Variants in FTCDNL1 observed in about 807,000 individuals in gnomAD.
FTCDNL1 encodes the protein formiminotransferase N-terminal subdomain-containing protein.
A neutral mutation model predicts 5.9 loss-of-function variants in FTCDNL1; 11 were observed. The ratio of observed to expected loss-of-function variants is 1.87; its 90% CI spans 1.18 to 3.10. The LOEUF (loss-of-function observed/expected upper bound fraction) is 3.10. Among genes scored for constraint, FTCDNL1 ranks in the 30% most tolerant of loss-of-function variants. The pLI is 0.00. For missense variants in FTCDNL1, 115 were observed against 65.5 expected (o/e 1.76, Z -2.61); for synonymous variants, 58 against 24.8 (o/e 2.34, Z -3.99).
chr2:199,690,657 G>A, the FTCDNL1 span, among the ~76,000 whole-genome samples: 1 of 152,086 alleles, frequency 6.6e-6, no homozygotes, highest in African/African-American at 2.4e-5. Flanking sequence ...ATAGTTTTAG[G>A]TTGACTTTTC....
the FTCDNL1 span, among the ~76,000 whole-genome samples, chr2:199,745,917 T>G: frequency 0.026 from 3,926 of 152,252 alleles, 172 homozygotes; most frequent in African/African-American, 0.09. Context: ...TATCCTGGGT[T>G]CAAAGCATTG....
At chr2:199,807,221 C>G (rs759491007), downstream of FTCDNL1, among the ~76,000 whole-genome samples, 2 of 152,122 alleles carry the variant, frequency 1.3e-5, no homozygotes, top group Non-Finnish European at 2.9e-5. Context: ...TACCCATCCA[C>G]CAGAACACCT....
chr2:199,808,837 G>T (rs965124941), downstream of FTCDNL1, among the ~76,000 whole-genome samples: 6 of 152,178 alleles, frequency 3.9e-5, no homozygotes, highest in Non-Finnish European at 7.3e-5. Flanking sequence ...GGAACGATTT[G>T]TCCTATTTCA....
the FTCDNL1 span, among the ~76,000 whole-genome samples, chr2:199,724,196 C>T: frequency 9.9e-5 from 15 of 152,078 alleles, no homozygotes; most frequent in Middle Eastern, 3.4e-3. Context: ...TATTCTCTGA[C>T]GGTTGTATGT....
chr2:199,790,246 C>T (rs1021598867), intron 3 of FTCDNL1, among the ~76,000 whole-genome samples: 1 of 151,850 alleles, frequency 6.6e-6, no homozygotes, highest in Non-Finnish European at 1.5e-5. Flanking sequence ...GCCTGTAATC[C>T]CAGCACTTTG....
intron 4 of FTCDNL1, 85 bp downstream of exon 4, chr2:199,819,487 G>A: frequency 1.5e-6 from 1 of 668,488 alleles, no homozygotes; most frequent in South Asian, 1.6e-5. Context: ...AACTCTTCCT[G>A]CATTAACAGG....
At chr2:199,714,825 C>T in the FTCDNL1 span, among the ~76,000 whole-genome samples, 550 of 151,538 alleles carry the variant, frequency 3.6e-3, 2 homozygotes, top group African/African-American at 0.013. Flanking sequence ...GTTAAAGCTG[C>T]CAGCAAACTA....
At chr2:199,711,624 A>G in the FTCDNL1 span, among the ~76,000 whole-genome samples, 1 of 152,170 alleles carries the variant, frequency 6.6e-6, no homozygotes, top group African/African-American at 2.4e-5. Context: ...GGTCTGTATC[A>G]GTCATAGTCC....
At chr2:199,833,600 GC>G (rs1191855593) in intron 3 of FTCDNL1, among the ~76,000 whole-genome samples, 1 of 152,184 alleles carries the variant, frequency 6.6e-6, no homozygotes, top group Non-Finnish European at 1.5e-5. Flanking sequence ...TCAGCATTAA[GC>G]CTACTCCCCA....
At chr2:199,698,570 G>T in the FTCDNL1 span, among the ~76,000 whole-genome samples, 1 of 152,142 alleles carries the variant, frequency 6.6e-6, no homozygotes, top group Admixed American at 6.5e-5. Flanking sequence ...GAAATTCTTT[G>T]TAACTAGTAA....
At chr2:199,699,850 C>T in the FTCDNL1 span, among the ~76,000 whole-genome samples, 3,483 of 152,214 alleles carry the variant, frequency 0.023, 140 homozygotes, top group African/African-American at 0.078. Context: ...AATTCCATAT[C>T]GCTTCATGTT....
At chr2:199,754,414 G>C in the FTCDNL1 span, among the ~76,000 whole-genome samples, 3 of 152,124 alleles carry the variant, frequency 2.0e-5, no homozygotes, top group African/African-American at 7.2e-5. Context: ...GGATGGGTTA[G>C]AGGCAGCATA....
chr2:199,671,065 G>T, the FTCDNL1 span, among the ~76,000 whole-genome samples: 2 of 152,006 alleles, frequency 1.3e-5, no homozygotes, highest in Non-Finnish European at 2.9e-5. Flanking sequence ...TTCCATAAAT[G>T]GCAAGTGTCA....
At chr2:199,738,090 C>T in the FTCDNL1 span, among the ~76,000 whole-genome samples, 3 of 152,180 alleles carry the variant, frequency 2.0e-5, no homozygotes, top group Non-Finnish European at 4.4e-5. Context: ...CCCTCACCTG[C>T]AATTCCATAG....
At chr2:199,774,885 C>T (rs1376129024) in intron 3 of FTCDNL1, among the ~76,000 whole-genome samples, 1 of 152,176 alleles carries the variant, frequency 6.6e-6, no homozygotes, top group Admixed American at 6.5e-5. Flanking sequence ...CTGTCTTTCT[C>T]CAGGGCATGA....
At chr2:199,847,794 A>G (rs993598983) in intron 2 of FTCDNL1, among the ~76,000 whole-genome samples, 2 of 152,206 alleles carry the variant, frequency 1.3e-5, no homozygotes. Context: ...TGTTTCTGAC[A>G]ATGAAGAGCC....
the FTCDNL1 span, among the ~76,000 whole-genome samples, chr2:199,711,261 A>G: frequency 6.6e-6 from 1 of 151,514 alleles, no homozygotes; most frequent in Non-Finnish European, 1.5e-5. Flanking sequence ...ATAAGAAGCA[A>G]AAGTAACTTA....
chr2:199,778,134 A>T (rs1432751384), intron 3 of FTCDNL1, among the ~76,000 whole-genome samples: 1 of 152,196 alleles, frequency 6.6e-6, no homozygotes, highest in Non-Finnish European at 1.5e-5. Context: ...TGAAGCTATC[A>T]CCATACACAA....
chr2:199,835,254 G>A (rs866688426), intron 3 of FTCDNL1, among the ~76,000 whole-genome samples: 6 of 152,112 alleles, frequency 3.9e-5, no homozygotes, highest in Non-Finnish European at 8.8e-5. Flanking sequence ...TCCCCTCAAG[G>A]TAGGTAACTC....
Sources: allele counts gnomAD v4.1 joint callset (sites outside exome capture counted in the v4.1 genomes callset), GRCh38; gene constraint gnomAD v4.1.1; transcripts MANE v1.5; gene names NCBI Gene and HGNC (gene_info 2026-07-23, HGNC 2026-07-21).